FAM149A: variants seen among roughly 807,000 people sequenced by gnomAD.
FAM149A encodes family with sequence similarity 149 member A.
In FAM149A, 71 loss-of-function variants were observed where a neutral mutation model predicts 78.2. The ratio of observed to expected loss-of-function variants is 0.91; its 90% CI spans 0.75 to 1.11. The LOEUF (loss-of-function observed/expected upper bound fraction) is 1.11, where lower values mean the gene tolerates loss of function less well. Among genes scored for constraint, FAM149A ranks in the 50% least tolerant of loss-of-function variants. The pLI is 0.00. For missense variants in FAM149A, 1,036 were observed against 971.0 expected (o/e 1.07, Z -0.89); for synonymous variants, 446 against 410.5 (o/e 1.09, Z -1.04).
intron 1 of FAM149A, among the ~76,000 whole-genome samples, chr4:186,139,344 C>T (rs2126404292): frequency 6.6e-6 from 1 of 152,238 alleles, no homozygotes; most frequent in Non-Finnish European, 1.5e-5. Context: ...GTTTGTATCC[C>T]CCAAAATTCA....
intron 1 of FAM149A, among the ~76,000 whole-genome samples, chr4:186,129,197 A>ATGTG (rs901705679): frequency 6.6e-6 from 1 of 150,598 alleles, no homozygotes; most frequent in Non-Finnish European, 1.5e-5. Context: ...ATGAGTGTGC[A>ATGTG]TGTGTGTGTG....
intron 1 of FAM149A, among the ~76,000 whole-genome samples, chr4:186,110,775 T>G (rs1331283627): frequency 4.1e-4 from 61 of 148,504 alleles, no homozygotes; most frequent in African/African-American, 1.5e-3. Flanking sequence ...GTGCCACATT[T>G]TCTTAATCCA....
chr4:186,144,471 C>T lies in FAM149A; in HGVS notation c.567-4702C>T, dbSNP rs1033574327. ...TTAAACCTCATTCGTCCACTCCCCACCCCAGCCTGGTGTGCGCACCCTTTG... is the reference window on the plus strand; with the variant it reads ...TTAAACCTCATTCGTCCACTCCCCATCCCAGCCTGGTGTGCGCACCCTTTG... On this transcript the variant is annotated intron_variant, in intron 1 of 13. Coordinates refer to ENST00000389354, the MANE Select transcript of FAM149A (RefSeq NM_001367768.3). The surrounding 1 kb of genome is among the most constrained non-coding windows in gnomAD (Gnocchi z 4.2). 1.3e-5 allele frequency: 2 copies of T among 152,408 alleles called. No individual in the cohort carries two copies. Among genetic ancestry groups the T allele is most frequent in the African/African-American group, 4.8e-5 (2 of 41,460 alleles). 9.4% of individuals were successfully genotyped at this position (152,408 alleles called of 1,614,324 possible).
chr4:186,150,618 A>T (rs2126463540), intron 3 of FAM149A, among the ~76,000 whole-genome samples: 1 of 135,176 alleles, frequency 7.4e-6, no homozygotes, highest in African/African-American at 2.8e-5. Context: ...ACGGGGTTTC[A>T]CCGTGTTAGC....
intron 1 of FAM149A, chr4:186,146,389 TCCCA>T (rs1733041543): frequency 2.3e-6 from 2 of 873,372 alleles, no homozygotes; most frequent in Non-Finnish European, 2.7e-6. Flanking sequence ...CTGCCCTGCA[TCCCA>T]AGACCTCCTG....
chr4:186,109,199 A>AGGTG, intron 1 of FAM149A: 1 of 985,216 alleles, frequency 1.0e-6, no homozygotes, highest in Non-Finnish European at 1.2e-6. Flanking sequence ...GCAATACGTA[A>AGGTG]GGTGGATAGA....
intron 6 of FAM149A, 73 bp downstream of exon 6, chr4:186,154,711 G>T: frequency 6.8e-7 from 1 of 1,475,476 alleles, no homozygotes; most frequent in East Asian, 2.5e-5. Flanking sequence ...GTTATCGTAT[G>T]CTCATTAAGT....
chr4:186,113,780 C>A (rs1448255022), intron 1 of FAM149A, among the ~76,000 whole-genome samples: 2 of 150,938 alleles, frequency 1.3e-5, no homozygotes, highest in African/African-American at 2.4e-5. Flanking sequence ...AATCTCTGTT[C>A]TTTTACATTT....
rs150027699 is a variant in FAM149A at position 186,154,453 on chromosome 4, G to GT, written c.1059-8dup. On this transcript the variant is annotated splice_polypyrimidine_tract_variant and intron_variant, in intron 5 of 13. Transcript: ENST00000389354. ...TTCTATAAACTCCCATGTAGAATCT[G>GT]TTTTTTTCCCATAGGTTGTGCATTT... 4.0e-5 allele frequency: 64 copies of GT among 1,596,750 alleles called. 1 individual carries two copies. The highest frequency in any genetic ancestry group is 3.3e-4 in the Middle Eastern group (2 of 5,988).
rs760901083 is a variant in FAM149A at position 186,163,436 on chromosome 4, G to C, written c.1692G>C (p.Glu564Asp). 7 of 1,613,356 alleles carry C rather than the reference G, an allele frequency of 4.3e-6. No homozygotes were observed. The African/African-American group carries it at 9.3e-5, about 22-fold the overall frequency. Reference sequence around the variant, plus strand: ...ATTTCCTTCCCAGGAATGAGAAGGAGGACAAAGCATCGGGTGGAGGGGCAG... The same window carrying C: ...ATTTCCTTCCCAGGAATGAGAAGGACGACAAAGCATCGGGTGGAGGGGCAG... Residue 564 changes from glutamate to aspartate, a missense_variant, in exon 10 of 14, where the codon GAG becomes GAC. By Grantham distance (45) the Glu-to-Asp change is conservative. This residue lies in a region of FAM149A where 716 missense variants were observed against 711.8 expected (regional missense o/e 1.01). Coordinates refer to ENST00000389354, the MANE Select transcript of FAM149A (RefSeq NM_001367768.3).
intron 1 of FAM149A, among the ~76,000 whole-genome samples, chr4:186,138,743 G>T (rs1414392062): frequency 6.6e-6 from 1 of 152,174 alleles, no homozygotes; most frequent in Non-Finnish European, 1.5e-5. Context: ...GGCCACAGAA[G>T]GGAAGTGCCT....
At chr4:186,124,608 G>C (rs1018452187) in intron 1 of FAM149A, among the ~76,000 whole-genome samples, 6 of 152,016 alleles carry the variant, frequency 3.9e-5, no homozygotes, top group South Asian at 2.1e-4. Context: ...CTTTTTTATG[G>C]CTGCATAGTA....
intron 13 of FAM149A, among the ~76,000 whole-genome samples, chr4:186,168,847 G>A (rs903927418): frequency 1.3e-5 from 2 of 152,206 alleles, no homozygotes; most frequent in Non-Finnish European, 2.9e-5. Context: ...AGCTGGAAAA[G>A]GCTGTGAGAG....
intron 1 of FAM149A, chr4:186,123,210 A>G (rs1449857046): frequency 3.0e-6 from 3 of 985,172 alleles, no homozygotes; most frequent in Non-Finnish European, 3.6e-6. Flanking sequence ...TGAGTTTTCA[A>G]AGGATGTCCA....
At chr4:186,130,309 AT>A (rs1561393080) in intron 1 of FAM149A, among the ~76,000 whole-genome samples, 6 of 98,386 alleles carry the variant, frequency 6.1e-5, no homozygotes, top group Non-Finnish European at 8.6e-5. Context: ...ATATATATAT[AT>A]ATATAATCTA....
intron 1 of FAM149A, among the ~76,000 whole-genome samples, chr4:186,143,016 A>G (rs950401050): frequency 1.3e-5 from 2 of 152,170 alleles, no homozygotes; most frequent in Non-Finnish European, 2.9e-5. Context: ...ATTTTTATCA[A>G]CAAAATTGTA....
chr4:186,158,596 G>A (rs1734257911), intron 8 of FAM149A: 1 of 204,834 alleles, frequency 4.9e-6, no homozygotes, highest in African/African-American at 2.6e-5. Context: ...GCTGAGCATT[G>A]CCGCCCAGCC....
intron 1 of FAM149A, among the ~76,000 whole-genome samples, chr4:186,135,795 T>C (rs919191807): frequency 6.6e-6 from 1 of 152,192 alleles, no homozygotes; most frequent in African/African-American, 2.4e-5. Flanking sequence ...GGAAGACCTG[T>C]GACAGCACTG....
intron 1 of FAM149A, among the ~76,000 whole-genome samples, chr4:186,136,291 TTC>T (rs1215251976): frequency 1.3e-5 from 2 of 152,220 alleles, no homozygotes; most frequent in African/African-American, 4.8e-5. Context: ...TTTTAGATTA[TTC>T]TTTTTTCACT....
Sources: gnomAD v4.1 joint callset for allele counts (sites outside exome capture counted in the v4.1 genomes callset) on GRCh38, gnomAD v4.1.1 for gene constraint, gnomAD v4.1.1 regional missense constraint, Gnocchi (gnomAD v3.1) non-coding constraint, MANE v1.5 for transcripts, NCBI Gene and HGNC (gene_info 2026-07-23, HGNC 2026-07-21) for gene names.